CYP4X1: variants seen among roughly 807,000 people sequenced by gnomAD.
The protein encoded by CYP4X1 is cytochrome P450 4X1.
Under a neutral mutation model 57.9 loss-of-function variants are expected in CYP4X1, and 44 were observed. That is an observed-to-expected ratio of 0.76 (90% confidence interval 0.60 to 0.98). CYP4X1 has a LOEUF of 0.98. CYP4X1 is among the 50% of genes least tolerant of loss of function. The pLI, the probability that CYP4X1 is intolerant of heterozygous loss-of-function variation, is 0.00. For missense variants in CYP4X1, 532 were observed against 623.9 expected, an observed-to-expected ratio of 0.85 and a Z score of 1.57; for synonymous variants, 227 against 228.6, an observed-to-expected ratio of 0.99 and a Z score of 0.06.
At chr1:46,961,545 G>T in the CYP4X1 span, 1 of 1,217,322 alleles carries the variant, frequency 8.2e-7, no homozygotes, top group East Asian at 5.7e-5. Flanking sequence ...AGGTGTTCTT[G>T]GGAGAGCTGC....
chr1:47,022,335 G>A (rs1321233125), upstream of CYP4X1, among the ~76,000 whole-genome samples: 1 of 134,990 alleles, frequency 7.4e-6, no homozygotes, highest in Non-Finnish European at 1.5e-5. Context: ...TCTGTCACCA[G>A]GCTGGAGTGC....
At chr1:46,986,900 A>T in the CYP4X1 span, among the ~76,000 whole-genome samples, 1 of 152,358 alleles carries the variant, frequency 6.6e-6, no homozygotes, top group Middle Eastern at 3.4e-3. Context: ...GGAAAAAAAA[A>T]CCAGTACCAG....
the CYP4X1 span, chr1:46,961,720 A>G: frequency 7.7e-7 from 1 of 1,305,934 alleles, no homozygotes; most frequent in Non-Finnish European, 1.0e-6. Context: ...CAGAACCTCA[A>G]GCCCTAATAT....
At chr1:47,045,402 G>C (rs1394248169) in intron 8 of CYP4X1, among the ~76,000 whole-genome samples, 8 of 152,024 alleles carry the variant, frequency 5.3e-5, no homozygotes, top group African/African-American at 1.9e-4. Flanking sequence ...TTTATCTCTG[G>C]GGAAAGATCC....
At chr1:46,973,277 C>A in the CYP4X1 span, among the ~76,000 whole-genome samples, 4 of 152,122 alleles carry the variant, frequency 2.6e-5, no homozygotes, top group Non-Finnish European at 4.4e-5. Flanking sequence ...GGACCAAAGC[C>A]TACTCGATAG....
the CYP4X1 span, among the ~76,000 whole-genome samples, chr1:47,015,039 A>G: frequency 6.6e-6 from 1 of 152,122 alleles, no homozygotes; most frequent in African/African-American, 2.4e-5. Flanking sequence ...GTAAGATAGG[A>G]CTAGATCCAG....
the CYP4X1 span, among the ~76,000 whole-genome samples, chr1:46,998,412 A>G: frequency 2.0e-5 from 3 of 152,206 alleles, no homozygotes; most frequent in African/African-American, 7.2e-5. Flanking sequence ...TGATTTGCCC[A>G]TTTGTAAATA....
the CYP4X1 span, among the ~76,000 whole-genome samples, chr1:46,969,457 A>G: frequency 2.0e-5 from 3 of 152,242 alleles, no homozygotes; most frequent in Admixed American, 2.0e-4. Context: ...TTTTGGAGGA[A>G]GTACTCATCC....
chr1:47,018,912 GGCT>G (rs1289489726), upstream of CYP4X1, among the ~76,000 whole-genome samples: 1 of 152,132 alleles, frequency 6.6e-6, no homozygotes, highest in Admixed American at 6.5e-5. Flanking sequence ...AGTGGCTCCT[GGCT>G]GCCTCACCAA....
intron 8 of CYP4X1, among the ~76,000 whole-genome samples, chr1:47,041,992 C>T (rs1644251505): frequency 1.3e-5 from 2 of 152,046 alleles, no homozygotes; most frequent in African/African-American, 4.8e-5. Context: ...TATTCTTCTA[C>T]TAGTGCATAT....
chr1:46,997,724 C>G, the CYP4X1 span, among the ~76,000 whole-genome samples: 4 of 152,064 alleles, frequency 2.6e-5, no homozygotes, highest in Non-Finnish European at 5.9e-5. Context: ...TACCTAGCAG[C>G]GGGATTGTTG....
At chr1:47,042,598 C>G (rs1046219077) in intron 8 of CYP4X1, among the ~76,000 whole-genome samples, 4 of 152,044 alleles carry the variant, frequency 2.6e-5, no homozygotes, top group Admixed American at 6.6e-5. Flanking sequence ...AGTCTTGTAT[C>G]CCTCACCTCC....
intron 4 of CYP4X1, among the ~76,000 whole-genome samples, chr1:47,034,307 T>C (rs1339501437): frequency 6.6e-6 from 1 of 152,078 alleles, no homozygotes; most frequent in Non-Finnish European, 1.5e-5. Flanking sequence ...GGAGGATCAT[T>C]AGGCCCTGAC....
At chr1:47,047,409 GAATT>G (rs1221332954) in intron 9 of CYP4X1, among the ~76,000 whole-genome samples, 1 of 152,158 alleles carries the variant, frequency 6.6e-6, no homozygotes, top group East Asian at 1.9e-4. Context: ...GACAGACCCA[GAATT>G]AATTTCTGGA....
chr1:47,029,178 C>T (rs1226800952), intron 1 of CYP4X1, among the ~76,000 whole-genome samples: 1 of 152,190 alleles, frequency 6.6e-6, no homozygotes, highest in Non-Finnish European at 1.5e-5. Context: ...GGACTCCCAC[C>T]ATCATGCTCA....
chr1:47,004,312 G>T, the CYP4X1 span, among the ~76,000 whole-genome samples: 1 of 152,126 alleles, frequency 6.6e-6, no homozygotes, highest in Admixed American at 6.5e-5. Flanking sequence ...CTTTGTTCAA[G>T]ACACCAAGAA....
At chr1:46,976,380 C>G in the CYP4X1 span, among the ~76,000 whole-genome samples, 1 of 152,116 alleles carries the variant, frequency 6.6e-6, no homozygotes, top group Non-Finnish European at 1.5e-5. Flanking sequence ...TGCTAGGTGG[C>G]AGCCTGGCTG....
chr1:47,044,918 A>G (rs1232801885), intron 8 of CYP4X1, among the ~76,000 whole-genome samples: 1 of 151,606 alleles, frequency 6.6e-6, no homozygotes, highest in African/African-American at 2.4e-5. Flanking sequence ...TCTGCCTCCC[A>G]GGTTCAAGCG....
At chr1:46,965,667 C>G in the CYP4X1 span, among the ~76,000 whole-genome samples, 1 of 152,248 alleles carries the variant, frequency 6.6e-6, no homozygotes, top group Non-Finnish European at 1.5e-5. Context: ...GGAGGTCTCA[C>G]TCAGTCAGAA....
Sources: allele counts gnomAD v4.1 joint callset (sites outside exome capture counted in the v4.1 genomes callset), GRCh38; gene constraint gnomAD v4.1.1; transcripts MANE v1.5; gene names NCBI Gene and HGNC (gene_info 2026-07-23, HGNC 2026-07-21).